The following HSPA12B variants were observed in gnomAD, a reference collection of about 807,000 sequenced individuals.
The protein encoded by HSPA12B is heat shock 70 kDa protein 12B.
HSPA12B carries 54 observed loss-of-function variants against 69.3 expected under a neutral mutation model. That is an observed-to-expected ratio of 0.78 (90% CI 0.63 to 0.98). The LOEUF is 0.98. HSPA12B is among the 50% of genes least tolerant of loss of function. The pLI, the probability that HSPA12B is intolerant of heterozygous loss-of-function variation, is 0.00. For synonymous variants in HSPA12B, 441 were observed against 436.5 expected (o/e 1.01, Z -0.13); for missense variants, 929 against 999.8 (o/e 0.93, Z 0.96).
Position 3,744,151 on chromosome 20 carries a change from C to T in HSPA12B, c.267-751C>T, listed in dbSNP as rs986757478. Reference sequence around the variant, plus strand: ...TGGGATGGGAGGTAAGAGGGGCTTCCCAAGGCCTGGAGACTGGATGGAAGG... The same window carrying T: ...TGGGATGGGAGGTAAGAGGGGCTTCTCAAGGCCTGGAGACTGGATGGAAGG... On this transcript the variant is annotated intron_variant, in intron 4 of 12. Transcript: ENST00000254963. This position sits in a 1 kb window ranked among gnomAD's most constrained non-coding sequence, Gnocchi z 4.9. Among the ~76,000 whole-genome samples the T allele has an allele frequency of 6.6e-6, 1 of 152,122 alleles. No homozygotes were observed.
intron 1 of HSPA12B, among the ~76,000 whole-genome samples, chr20:3,734,398 G>C (rs548913423): frequency 2.0e-5 from 3 of 152,332 alleles, no homozygotes; most frequent in African/African-American, 7.2e-5. Flanking sequence ...TCCATGGGCA[G>C]GGTTAGGGAT....
chr20:3,733,974 C>A (rs958738631), intron 1 of HSPA12B, among the ~76,000 whole-genome samples: 4 of 152,210 alleles, frequency 2.6e-5, no homozygotes, highest in African/African-American at 9.7e-5. Context: ...CTGAAACACC[C>A]CACACAGGAA....
At chr20:3,751,473 T>C in intron 12 of HSPA12B, 38 bp from the exon 13 acceptor site, 1 of 1,380,972 alleles carries the variant, frequency 7.2e-7, no homozygotes, top group Non-Finnish European at 9.3e-7. Context: ...CCTTCTCCTC[T>C]GCCCCCTTCA....
At chr20:3,746,060 A>G in intron 7 of HSPA12B, 29 bp downstream of exon 7, 1 of 1,556,338 alleles carries the variant, frequency 6.4e-7, no homozygotes, top group Non-Finnish European at 8.9e-7. Context: ...GCCCGAGAAC[A>G]CTGCTCAGGA....
chr20:3,750,296 C>CG, intron 11 of HSPA12B, 69 bp downstream of exon 11: 1 of 1,444,392 alleles, frequency 6.9e-7, no homozygotes, highest in Non-Finnish European at 9.2e-7. Context: ...TGGAGGGTCC[C>CG]GGGCCCCAAG....
chr20:3,750,952 A>T, intron 12 of HSPA12B, 45 bp downstream of exon 12: 1 of 1,508,434 alleles, frequency 6.6e-7, no homozygotes, highest in Non-Finnish European at 9.2e-7. Flanking sequence ...ACATGAACAA[A>T]CAGATGCAGA....
intron 2 of HSPA12B, among the ~76,000 whole-genome samples, chr20:3,739,011 T>C (rs1054147752): frequency 6.6e-6 from 1 of 152,000 alleles, no homozygotes; most frequent in Non-Finnish European, 1.5e-5. Flanking sequence ...TGAGTGCGTG[T>C]GTTTGTGTGT....
At chr20:3,750,269 C>T (rs770254202) in intron 11 of HSPA12B, 42 bp downstream of exon 11, 2 of 1,535,954 alleles carry the variant, frequency 1.3e-6, no homozygotes, top group South Asian at 2.5e-5. Flanking sequence ...TTTGCCGACC[C>T]GGGAATGACC....
chr20:3,743,578 C>A (rs2088245409), intron 4 of HSPA12B, among the ~76,000 whole-genome samples: 1 of 152,056 alleles, frequency 6.6e-6, no homozygotes. Context: ...GTGAGATATA[C>A]AACTTGCTTT....
At position 3,737,111 on chromosome 20, in the gene HSPA12B, A is replaced by C. The variant is rs2088121421; in HGVS notation, c.-17-1547A>C. 6.6e-6 allele frequency among the ~76,000 whole-genome samples: 1 copy of C among 151,438 alleles called. No homozygotes were observed. The highest frequency in any genetic ancestry group is 2.1e-4 in the South Asian group (1 of 4,790). On this transcript the variant is annotated intron_variant, in intron 1 of 12. Transcript: ENST00000254963. This position sits in a 1 kb window ranked among gnomAD's most constrained non-coding sequence, Gnocchi z 4.1. Reference sequence around the variant, plus strand: ...AAATAAATAAATAAATAAATATGAAATACATGTTCTGATTCAGCAGGTCTG... The same window carrying C: ...AAATAAATAAATAAATAAATATGAACTACATGTTCTGATTCAGCAGGTCTG...
chr20:3,751,313 G>T, intron 12 of HSPA12B, 198 bp from the exon 13 acceptor site: 5 of 985,490 alleles, frequency 5.1e-6, no homozygotes, highest in Non-Finnish European at 6.0e-6. Context: ...GAGCGTGAGT[G>T]TTGGGGAGGC....
chr20:3,739,384 G>A (rs959238140), intron 2 of HSPA12B, among the ~76,000 whole-genome samples: 1 of 152,256 alleles, frequency 6.6e-6, no homozygotes, highest in African/African-American at 2.4e-5. Flanking sequence ...AGAGTTCTGC[G>A]TGTGCATGTG....
At chr20:3,733,924 A>G (rs1191833261) in intron 1 of HSPA12B, among the ~76,000 whole-genome samples, 2 of 152,152 alleles carry the variant, frequency 1.3e-5, no homozygotes, top group Non-Finnish European at 2.9e-5. Flanking sequence ...AACCCAGAAC[A>G]CTGCATTCCC....
rs777524890 is a variant in HSPA12B at position 3,749,992 on chromosome 20, G to A, written c.1066G>A (p.Val356Met). The A allele has an allele frequency of 9.5e-6, 15 of 1,578,202 alleles. No individual in the cohort carries two copies. Among genetic ancestry groups the A allele is most frequent in the East Asian group, 4.7e-5 (2 of 42,632 alleles). ...AGGGGGCCCTTATGGCGCGGTGGGC[G>A]TGGACCTGGCCTTCGAGCAGCTGCT... is the stretch of plus-strand genomic sequence containing the variant. The part of the protein sequence containing the change: ...ASGGPYGAVG[V>M]DLAFEQLLCR... Residue 356 changes from valine (V) to methionine (M), a missense_variant, in exon 11 of 13, where the codon GTG becomes ATG. Coordinates refer to ENST00000254963, the MANE Select transcript of HSPA12B (RefSeq NM_052970.5). The surrounding 1 kb of genome is among the most constrained non-coding windows in gnomAD (Gnocchi z 5.5).
intron 4 of HSPA12B, among the ~76,000 whole-genome samples, chr20:3,743,180 T>C (rs2088236532): frequency 8.2e-6 from 1 of 122,290 alleles, no homozygotes; most frequent in South Asian, 2.6e-4. Flanking sequence ...GCCACCAACC[T>C]GGCCTTTTTT....
At position 3,743,184 on chromosome 20, in the gene HSPA12B, C is replaced by CTTTTTT. The variant is rs61614564; in HGVS notation, c.266+784_266+789dup. Among the ~76,000 whole-genome samples the CTTTTTT allele has an allele frequency of 5.7e-5, 8 of 139,340 alleles. 1 individual carries two copies. Among genetic ancestry groups the CTTTTTT allele is most frequent in the Non-Finnish European group, 6.2e-5 (4 of 64,652 alleles). The allele number at this position is 139,340 out of a possible 152,430, so 91.4% of individuals were successfully genotyped here. ...TACAGATGTGAGCCACCAACCTGGC[C>CTTTTTT]TTTTTTTTTTTTTCTTTGAGACAGG... On this transcript the variant is annotated intron_variant, in intron 4 of 12. Coordinates refer to ENST00000254963, the MANE Select transcript of HSPA12B (RefSeq NM_052970.5).
chr20:3,747,364 G>A (rs1026179578), intron 7 of HSPA12B, among the ~76,000 whole-genome samples: 2 of 152,160 alleles, frequency 1.3e-5, no homozygotes, highest in Non-Finnish European at 2.9e-5. Flanking sequence ...GGACATCCCT[G>A]TGCAAAGATC....
rs2088216223 is a variant in HSPA12B, at chr20:3,742,313, C to T, written c.171C>T (p.Ala57=). 6.2e-7 allele frequency: 1 copy of T among 1,614,034 alleles called. No individual in the cohort carries two copies. Residue 57 remains alanine (A), a synonymous_variant, in exon 4 of 13, where the codon GCC becomes GCT. Coordinates refer to ENST00000254963, the MANE Select transcript of HSPA12B (RefSeq NM_052970.5). The part of the protein sequence containing the change: ...PKPEVRAPQQ[A]SFSVVVAIDF... ...CCGAGGTCCGAGCCCCCCAGCAGGC[C>T]TCCTTCTCTGTGGTGGTGGCCATTG...
At chr20:3,736,894 G>A (rs529674550) in intron 1 of HSPA12B, among the ~76,000 whole-genome samples, 2 of 152,122 alleles carry the variant, frequency 1.3e-5, no homozygotes, top group Middle Eastern at 3.4e-3. Flanking sequence ...ATTTTTAGGT[G>A]GCATTTTAGG....
Sources: allele counts gnomAD v4.1 joint callset (sites outside exome capture counted in the v4.1 genomes callset), GRCh38; gene constraint gnomAD v4.1.1; non-coding constraint Gnocchi (gnomAD v3.1); transcripts MANE v1.5; gene names NCBI Gene and HGNC (gene_info 2026-07-23, HGNC 2026-07-21).